Variants in RTN1 observed in about 807,000 individuals in gnomAD.
RTN1 encodes reticulon 1.
In RTN1, 25 loss-of-function variants were observed where a neutral mutation model predicts 65.5. That is an observed-to-expected ratio of 0.38 (90% CI 0.28 to 0.53). The LOEUF (loss-of-function observed/expected upper bound fraction) is 0.53, where lower values mean the gene tolerates loss of function less well. Ranked by LOEUF, RTN1 falls within the 20% of genes least tolerant of loss-of-function variation. The pLI is 0.79. For missense variants in RTN1, 983 were observed against 1,025.4 expected (o/e 0.96, Z 0.57); for synonymous variants, 471 against 447.6 (o/e 1.05, Z -0.66).
intron 3 of RTN1, among the ~76,000 whole-genome samples, chr14:59,651,743 A>G (rs12897218): frequency 6.6e-6 from 1 of 152,012 alleles, no homozygotes; most frequent in African/African-American, 2.4e-5. Flanking sequence ...CAAAACAAAC[A>G]AACAAACAAA....
At chr14:59,754,072 C>T (rs931921728) in intron 1 of RTN1, among the ~76,000 whole-genome samples, 3 of 152,058 alleles carry the variant, frequency 2.0e-5, no homozygotes, top group African/African-American at 7.2e-5. Context: ...TTCAAAATTT[C>T]AATTTGTAAT....
intron 3 of RTN1, among the ~76,000 whole-genome samples, chr14:59,712,307 G>A (rs1161700457): frequency 2.0e-5 from 3 of 151,884 alleles, no homozygotes; most frequent in Non-Finnish European, 4.4e-5. Flanking sequence ...AATCAGCTGG[G>A]GCATACTAGA....
chr14:59,677,307 C>A (rs1343530487), intron 3 of RTN1, among the ~76,000 whole-genome samples: 1 of 152,204 alleles, frequency 6.6e-6, no homozygotes, highest in Non-Finnish European at 1.5e-5. Context: ...GGCAGAGGCT[C>A]TCTCCATTTG....
chr14:59,733,063 G>C (rs150691875), intron 2 of RTN1, among the ~76,000 whole-genome samples: 1 of 149,484 alleles, frequency 6.7e-6, no homozygotes, highest in East Asian at 2.0e-4. Context: ...GGCTTTGCCA[G>C]ATTGTGGTCA....
At chr14:59,768,063 T>C (rs866603128) in intron 1 of RTN1, among the ~76,000 whole-genome samples, 1 of 152,346 alleles carries the variant, frequency 6.6e-6, no homozygotes, top group South Asian at 2.1e-4. Flanking sequence ...GTTATATTGT[T>C]ATTAGGTTTG....
chr14:59,602,412 A>G (rs1258476244), intron 8 of RTN1, among the ~76,000 whole-genome samples: 1 of 152,154 alleles, frequency 6.6e-6, no homozygotes, highest in Non-Finnish European at 1.5e-5. Context: ...TAGTAATGTA[A>G]GAATTAGGGA....
chr14:59,598,266 G>T (rs752158468), intron 8 of RTN1, among the ~76,000 whole-genome samples: 3 of 152,168 alleles, frequency 2.0e-5, no homozygotes, highest in African/African-American at 4.8e-5. Flanking sequence ...TGAATGCATA[G>T]GCTAGGATTA....
At chr14:59,753,230 G>A (rs1432648760) in intron 1 of RTN1, among the ~76,000 whole-genome samples, 1 of 152,082 alleles carries the variant, frequency 6.6e-6, no homozygotes. Context: ...TATTAGAGAG[G>A]CTATAAATAG....
In RTN1 at chr14:59,707,720, C is replaced by T. The variant is rs1039003040; in HGVS notation, c.1765+19199G>A. 1.2e-3 allele frequency among the ~76,000 whole-genome samples: 182 copies of T among 151,766 alleles called. 1 individual carries two copies. The highest frequency in any genetic ancestry group is 4.0e-3 in the African/African-American group (164 of 41,370). On this transcript the variant is annotated intron_variant, in intron 3 of 8. Coordinates refer to ENST00000267484, the MANE Select transcript of RTN1 (RefSeq NM_021136.3). Reference sequence around the variant, plus strand: ...TGTCTCTCTCTTTTACACACACACACACACACACACACACACACACACAAA... The same window carrying T: ...TGTCTCTCTCTTTTACACACACACATACACACACACACACACACACACAAA...
At chr14:59,634,091 G>C (rs1219684149) in intron 3 of RTN1, among the ~76,000 whole-genome samples, 1 of 152,136 alleles carries the variant, frequency 6.6e-6, no homozygotes, top group African/African-American at 2.4e-5. Flanking sequence ...AAGTGTATGG[G>C]AAAAATAAAG....
chr14:59,840,212 T>G (rs1028770247), intron 1 of RTN1, among the ~76,000 whole-genome samples: 3 of 152,176 alleles, frequency 2.0e-5, no homozygotes, highest in African/African-American at 4.8e-5. Flanking sequence ...CTTTTATTGA[T>G]AGTGAAGTTG....
rs185545550 is a variant in RTN1 at position 59,609,138 on chromosome 14, A to T, written c.1766-1646T>A. On this transcript the variant is annotated intron_variant, in intron 3 of 8. Transcript: ENST00000267484. ...CGTCTCTACTAAAAATAACAAAAGT[A>T]GCTGGGCATGGTGGCAGGCACCTGT... Among the ~76,000 whole-genome samples the T allele has an allele frequency of 3.6e-3, 553 of 152,004 alleles. 2 individuals carry two copies. The highest frequency in any genetic ancestry group is 0.013 in the African/African-American group (533 of 41,466).
intron 1 of RTN1, among the ~76,000 whole-genome samples, chr14:59,860,019 C>T (rs1277288920): frequency 6.6e-6 from 1 of 152,174 alleles, no homozygotes; most frequent in African/African-American, 2.4e-5. Context: ...ATAGAAAACC[C>T]AATTTTCTGA....
At chr14:59,719,540 T>C (rs1884604729) in intron 3 of RTN1, among the ~76,000 whole-genome samples, 1 of 152,252 alleles carries the variant, frequency 6.6e-6, no homozygotes, top group Non-Finnish European at 1.5e-5. Context: ...ACTACATTGC[T>C]AGTGTCAGGC....
chr14:59,851,209 G>T (rs1232463560), intron 1 of RTN1, among the ~76,000 whole-genome samples: 1 of 152,136 alleles, frequency 6.6e-6, no homozygotes, highest in Admixed American at 6.5e-5. Context: ...TCACACAAAT[G>T]ATCACAGTGG....
In RTN1 at chr14:59,836,038, C is replaced by CA. The variant is rs989402956; in HGVS notation, c.241+34351dup. Among the ~76,000 whole-genome samples, 1 of 152,178 alleles carries CA rather than the reference C, an allele frequency of 6.6e-6. No individual in the cohort carries two copies. Among genetic ancestry groups the CA allele is most frequent in the Non-Finnish European group, 1.5e-5 (1 of 68,034 alleles). ...GCTCTATTCTTCCCTCCCATCACTT[C>CA]AATTCTGATTCCATCATCACATCTC... is the stretch of plus-strand genomic sequence containing the variant. On this transcript the variant is annotated intron_variant, in intron 1 of 8. Coordinates refer to ENST00000267484, the MANE Select transcript of RTN1 (RefSeq NM_021136.3). This position sits in a 1 kb window ranked among gnomAD's most constrained non-coding sequence, Gnocchi z 4.9.
chr14:59,630,409 G>C (rs770982479), intron 3 of RTN1: 1 of 1,612,510 alleles, frequency 6.2e-7, no homozygotes, highest in African/African-American at 1.3e-5. Flanking sequence ...GGTTTCCCGT[G>C]CGCCTCAGGC....
chr14:59,689,817 T>C (rs1883923225), intron 3 of RTN1, among the ~76,000 whole-genome samples: 1 of 152,034 alleles, frequency 6.6e-6, no homozygotes, highest in Non-Finnish European at 1.5e-5. Context: ...GTTCTAAACA[T>C]AAAAGCAAAA....
intron 2 of RTN1, among the ~76,000 whole-genome samples, chr14:59,744,564 T>A (rs1452900394): frequency 6.6e-6 from 1 of 152,110 alleles, no homozygotes; most frequent in Non-Finnish European, 1.5e-5. Flanking sequence ...CCTAATGAAG[T>A]CTAAACTTTA....
Sources: gnomAD v4.1 joint callset for allele counts (sites outside exome capture counted in the v4.1 genomes callset) on GRCh38, gnomAD v4.1.1 for gene constraint, Gnocchi (gnomAD v3.1) non-coding constraint, MANE v1.5 for transcripts, NCBI Gene and HGNC (gene_info 2026-07-23, HGNC 2026-07-21) for gene names.